The following CHN2 variants were observed in gnomAD, a reference collection of about 807,000 sequenced individuals.
CHN2 encodes beta-chimaerin.
CHN2 carries 35 observed loss-of-function variants against 56.3 expected under a neutral mutation model. The ratio of observed to expected loss-of-function variants is 0.62; its 90% CI spans 0.47 to 0.82. CHN2 has a LOEUF of 0.82. Among genes scored for constraint, CHN2 ranks in the 40% least tolerant of loss-of-function variants. The pLI is 0.00. For synonymous variants in CHN2, 210 were observed against 212.8 expected, an observed-to-expected ratio of 0.99 and a Z score of 0.12; for missense variants, 491 against 580.5, an observed-to-expected ratio of 0.85 and a Z score of 1.58.
In CHN2 at chr7:29,322,206, GCT is replaced by G. The variant is rs1350506681; in HGVS notation, c.50-32416_50-32415del. 2.0e-5 allele frequency among the ~76,000 whole-genome samples: 3 copies of G among 152,292 alleles called. No homozygotes were observed. In the East Asian group the frequency reaches 5.8e-4, roughly 29 times the overall value. On this transcript the variant is annotated intron_variant, in intron 1 of 12. Coordinates refer to ENST00000222792, the MANE Select transcript of CHN2 (RefSeq NM_004067.4). ...GCTTTTCTCACATCGTTTCCTAAAGGCTCTGTTTGTCTCCACCAGCAGGTCTC... is the reference window on the plus strand; with the variant it reads ...GCTTTTCTCACATCGTTTCCTAAAGGCTGTTTGTCTCCACCAGCAGGTCTC...
chr7:29,402,118 G>A (rs914502958), intron 6 of CHN2, among the ~76,000 whole-genome samples: 1 of 152,198 alleles, frequency 6.6e-6, no homozygotes, highest in Non-Finnish European at 1.5e-5. Context: ...AGGAGCCTCG[G>A]GCTGATGGAT....
intron 2 of CHN2, among the ~76,000 whole-genome samples, chr7:29,156,612 G>T (rs907961483): frequency 3.3e-5 from 5 of 152,196 alleles, no homozygotes; most frequent in African/African-American, 1.2e-4. Flanking sequence ...GGGAAACTTT[G>T]TGGGTTTTTT....
chr7:29,420,679 T>C (rs1804248168), intron 6 of CHN2, among the ~76,000 whole-genome samples: 1 of 152,226 alleles, frequency 6.6e-6, no homozygotes, highest in East Asian at 1.9e-4. Context: ...CAACAAGTTT[T>C]AGTTTTGCAA....
At chr7:29,377,421 A>C (rs745522108) in intron 3 of CHN2, among the ~76,000 whole-genome samples, 33 of 152,104 alleles carry the variant, frequency 2.2e-4, no homozygotes, top group Non-Finnish European at 4.0e-4. Context: ...TGTTTTCCTT[A>C]TCTGTGGCTA....
chr7:29,504,654 T>C (rs371781990), intron 9 of CHN2, 90 bp from the exon 10 acceptor site: 1 of 793,380 alleles, frequency 1.3e-6, no homozygotes, highest in Non-Finnish European at 2.1e-6. Flanking sequence ...CATTTTCTGA[T>C]AGCATGTAGT....
rs1783445823 is a variant in CHN2, at chr7:29,194,883, C to G, written c.-59C>G. The G allele has an allele frequency of 7.2e-7, 1 of 1,383,330 alleles. No homozygotes were observed. The highest frequency in any genetic ancestry group is 1.5e-5 in the African/African-American group (1 of 65,880). The allele number at this position is 1,383,330 out of a possible 1,614,324, so 85.7% of individuals were successfully genotyped here. A position where few individuals can be genotyped will look rare whatever the true frequency, so the allele number is the denominator to read the frequency against. On this transcript the variant is annotated 5_prime_UTR_variant, in exon 1 of 13. Coordinates refer to ENST00000222792, the MANE Select transcript of CHN2 (RefSeq NM_004067.4). ...GAGGCTGCGAGCGGCCGGGCGAGGG[C>G]AGCGGCGGCGGCGTCCGCACCGGGG...
chr7:29,180,343 C>T (rs900375414), intron 2 of CHN2, among the ~76,000 whole-genome samples: 12 of 152,020 alleles, frequency 7.9e-5, no homozygotes, highest in African/African-American at 2.9e-4. Flanking sequence ...CTGACTAACA[C>T]GGTGAAACCC....
At chr7:29,192,105 A>G (rs1402775830), upstream of CHN2, 2 of 152,186 alleles carry the variant, frequency 1.3e-5, no homozygotes, top group African/African-American at 4.8e-5. Flanking sequence ...ATGGGTGTCA[A>G]AGTTATAGCT....
At chr7:29,428,202 A>G (rs1805075377) in intron 6 of CHN2, among the ~76,000 whole-genome samples, 1 of 152,242 alleles carries the variant, frequency 6.6e-6, no homozygotes, top group Admixed American at 6.5e-5. Flanking sequence ...GATTGTTGAG[A>G]GGAGTGAATG....
chr7:29,240,542 C>G (rs899746187), intron 1 of CHN2, among the ~76,000 whole-genome samples: 1 of 152,210 alleles, frequency 6.6e-6, no homozygotes, highest in East Asian at 1.9e-4. Context: ...TGAATACCTG[C>G]TAGGGACCAG....
At chr7:29,277,606 C>A (rs1791339931) in intron 1 of CHN2, among the ~76,000 whole-genome samples, 1 of 152,194 alleles carries the variant, frequency 6.6e-6, no homozygotes, top group Admixed American at 6.5e-5. Flanking sequence ...GAGAAGTGGG[C>A]AGAGTTTAGC....
chr7:29,297,722 A>T (rs1793301117), intron 1 of CHN2, among the ~76,000 whole-genome samples: 1 of 152,028 alleles, frequency 6.6e-6, no homozygotes, highest in Admixed American at 6.6e-5. Flanking sequence ...CACCGAGCCC[A>T]GTCCTAAGCC....
At chr7:29,332,678 T>C (rs1306038451) in intron 1 of CHN2, among the ~76,000 whole-genome samples, 1 of 152,142 alleles carries the variant, frequency 6.6e-6, no homozygotes, top group Non-Finnish European at 1.5e-5. Context: ...GTCTACAAAA[T>C]GTCCATCTGT....
At chr7:29,349,645 T>C (rs1394127931) in intron 1 of CHN2, among the ~76,000 whole-genome samples, 1 of 152,224 alleles carries the variant, frequency 6.6e-6, no homozygotes, top group Non-Finnish European at 1.5e-5. Context: ...TAGGCTAGAT[T>C]CCCATGAATA....
intron 6 of CHN2, among the ~76,000 whole-genome samples, chr7:29,421,209 G>A (rs1804311200): frequency 6.6e-6 from 1 of 152,152 alleles, no homozygotes; most frequent in Non-Finnish European, 1.5e-5. Flanking sequence ...CATTTCTCTT[G>A]CCCAGCACCA....
intron 6 of CHN2, among the ~76,000 whole-genome samples, chr7:29,464,491 C>T (rs149086565): frequency 2.0e-5 from 3 of 152,164 alleles, no homozygotes; most frequent in Non-Finnish European, 2.9e-5. Flanking sequence ...CCATGGCACA[C>T]GTTTACCTAT....
intron 6 of CHN2, among the ~76,000 whole-genome samples, chr7:29,462,367 A>G (rs1785230992): frequency 1.3e-5 from 2 of 152,180 alleles, no homozygotes; most frequent in South Asian, 2.1e-4. Flanking sequence ...TTACGGTTGC[A>G]TGTTCTGTTG....
intron 1 of CHN2, among the ~76,000 whole-genome samples, chr7:29,201,280 A>G (rs1474237181): frequency 6.6e-6 from 1 of 152,118 alleles, no homozygotes; most frequent in Non-Finnish European, 1.5e-5. Context: ...GTCTCATGCC[A>G]CTCAGTTACT....
intron 2 of CHN2, among the ~76,000 whole-genome samples, chr7:29,163,573 A>G (rs1795497937): frequency 6.6e-6 from 1 of 152,146 alleles, no homozygotes; most frequent in African/African-American, 2.4e-5. Context: ...ATTAAGGTAT[A>G]ACTGGCATAC....
Sources: allele counts gnomAD v4.1 joint callset (sites outside exome capture counted in the v4.1 genomes callset), GRCh38; gene constraint gnomAD v4.1.1; transcripts MANE v1.5; gene names NCBI Gene and HGNC (gene_info 2026-07-23, HGNC 2026-07-21).